DPYSL2: variants seen among roughly 807,000 people sequenced by gnomAD.
The protein encoded by DPYSL2 is dihydropyrimidinase-related protein 2.
Under a neutral mutation model 69.9 loss-of-function variants are expected in DPYSL2, and 13 were observed. That is an observed-to-expected ratio of 0.19 (90% CI 0.12 to 0.30). The LOEUF (loss-of-function observed/expected upper bound fraction) is 0.30, where lower values mean the gene tolerates loss of function less well. Among genes scored for constraint, DPYSL2 ranks in the 10% least tolerant of loss-of-function variants. DPYSL2 has a pLI of 1.00. For missense variants in DPYSL2, 587 were observed against 918.9 expected, an observed-to-expected ratio of 0.64 and a Z score of 4.67; for synonymous variants, 326 against 359.1, an observed-to-expected ratio of 0.91 and a Z score of 1.04.
Position 26,598,140 on chromosome 8 carries a change from G to T in DPYSL2, c.628+14157G>T, listed in dbSNP as rs1253601458. 1.3e-5 allele frequency among the ~76,000 whole-genome samples: 2 copies of T among 152,162 alleles called. No homozygotes were observed. The highest frequency in any genetic ancestry group is 2.9e-5 in the Non-Finnish European group (2 of 68,028). On this transcript the variant is annotated intron_variant, in intron 3 of 13. Coordinates refer to ENST00000521913, the MANE Select transcript of DPYSL2 (RefSeq NM_001197293.3). This position sits in a 1 kb window ranked among gnomAD's most constrained non-coding sequence, Gnocchi z 4.2. ...GGGCTTGGACAAATTACATGTATGG[G>T]GGAGTAGCCCCTTCACCCCAGTTTT...
rs1801081316 is a variant in DPYSL2, at chr8:26,562,119, T to C, written c.355-19850T>C. On this transcript the variant is annotated intron_variant, in intron 1 of 13. Coordinates refer to ENST00000521913, the MANE Select transcript of DPYSL2 (RefSeq NM_001197293.3). This position sits in a 1 kb window ranked among gnomAD's most constrained non-coding sequence, Gnocchi z 4.9. ...TCCACATCCAATCTATTAGTGACTTTTATTGGCAGCAGAAACAAGAGTGGA... is the reference window on the plus strand; with the variant it reads ...TCCACATCCAATCTATTAGTGACTTCTATTGGCAGCAGAAACAAGAGTGGA... Among the ~76,000 whole-genome samples the C allele has an allele frequency of 6.6e-6, 1 of 152,200 alleles. No individual in the cohort carries two copies. The highest frequency in any genetic ancestry group is 6.5e-5 in the Admixed American group (1 of 15,284).
At position 26,577,993 on chromosome 8, in the gene DPYSL2, TTCTCTCTC is replaced by T. The variant is rs756432252; in HGVS notation, c.355-3958_355-3951del. 6.3e-5 allele frequency: 76 copies of T among 1,204,194 alleles called. 1 individual carries two copies. The highest frequency in any genetic ancestry group is 1.7e-4 in the South Asian group (9 of 53,184). The allele number at this position is 1,204,194 out of a possible 1,614,324, so 74.6% of individuals were successfully genotyped here. On this transcript the variant is annotated intron_variant, in intron 1 of 13. Transcript: ENST00000521913. ...CCTTCCCTCCTGTTTCTCTCTCTCC[TTCTCTCTC>T]TCTCTCTCTCTCTCTCTTTTTTTTC...
At chr8:26,572,837 G>C (rs114829381) in intron 1 of DPYSL2, among the ~76,000 whole-genome samples, 2,840 of 152,236 alleles carry the variant, frequency 0.019, 88 homozygotes, top group African/African-American at 0.066. Flanking sequence ...TTTCTTCCCT[G>C]TGAGCTCAAA....
At chr8:26,537,721 C>G (rs190401184) in intron 1 of DPYSL2, among the ~76,000 whole-genome samples, 31 of 152,000 alleles carry the variant, frequency 2.0e-4, no homozygotes, top group African/African-American at 7.5e-4. Flanking sequence ...TCATAAAAGA[C>G]AAGATTACTT....
chr8:26,636,925 A>G (rs1802933706), intron 8 of DPYSL2, among the ~76,000 whole-genome samples: 2 of 152,018 alleles, frequency 1.3e-5, no homozygotes, highest in Admixed American at 1.3e-4. Context: ...TATTTTTAGT[A>G]GAGACGGGGT....
In DPYSL2 at chr8:26,621,071, A is replaced by G. The variant is rs1802470560; in HGVS notation, c.629-3072A>G. 6.6e-6 allele frequency among the ~76,000 whole-genome samples: 1 copy of G among 152,192 alleles called. No individual in the cohort carries two copies. The highest frequency in any genetic ancestry group is 2.1e-4 in the South Asian group (1 of 4,834). The stretch of plus-strand genomic sequence containing the variant: ...TATCTTGCATTACTCTTTCTGGTTT[A>G]TCACATTTTCTTGTATTTTATGTAT... On this transcript the variant is annotated intron_variant, in intron 3 of 13. Transcript: ENST00000521913. The surrounding 1 kb of genome is among the most constrained non-coding windows in gnomAD (Gnocchi z 4.9).
chr8:26,657,075 G>A lies in DPYSL2; in HGVS notation c.*1369G>A, dbSNP rs1168187799. On this transcript the variant is annotated 3_prime_UTR_variant, in exon 14 of 14. Transcript: ENST00000521913. ...CGGGGAAAAACCGTATTTTTTTCTT[G>A]TCCAATTATTTCTAAAGACACACTA... is the stretch of plus-strand genomic sequence containing the variant. The A allele has an allele frequency of 6.6e-6, 1 of 152,034 alleles. No individual in the cohort carries two copies. The highest frequency in any genetic ancestry group is 1.5e-5 in the Non-Finnish European group (1 of 68,006). The allele number at this position is 152,034 out of a possible 1,614,324, so 9.4% of individuals were successfully genotyped here.
At chr8:26,655,230 C>T (rs1017136607) in intron 13 of DPYSL2, among the ~76,000 whole-genome samples, 4 of 152,120 alleles carry the variant, frequency 2.6e-5, no homozygotes, top group African/African-American at 9.7e-5. Context: ...GGCAGGGTGG[C>T]TCACACCTCT....
chr8:26,651,126 CCT>C (rs2129993431), intron 11 of DPYSL2, among the ~76,000 whole-genome samples: 1 of 152,196 alleles, frequency 6.6e-6, no homozygotes, highest in East Asian at 1.9e-4. Context: ...CCTGCTGGCG[CCT>C]CTCTGCTATG....
In DPYSL2 at chr8:26,575,362, T is replaced by C. The variant is rs138302250; in HGVS notation, c.355-6607T>C. 1.5e-3 allele frequency among the ~76,000 whole-genome samples: 229 copies of C among 152,288 alleles called. 2 individuals carry two copies. The highest frequency in any genetic ancestry group is 5.1e-3 in the African/African-American group (212 of 41,580). ...TTACCTGTGGTTTTTTGTTTTTTTT[T>C]TCACCTTCATCAGTGCAAAGCAGGT... On this transcript the variant is annotated intron_variant, in intron 1 of 13. Coordinates refer to ENST00000521913, the MANE Select transcript of DPYSL2 (RefSeq NM_001197293.3).
Position 26,624,839 on chromosome 8 carries a change from G to A in DPYSL2, c.793+532G>A, listed in dbSNP as rs907527917. 2.0e-5 allele frequency among the ~76,000 whole-genome samples: 3 copies of A among 152,114 alleles called. No individual in the cohort carries two copies. The highest frequency in any genetic ancestry group is 2.0e-4 in the Admixed American group (3 of 15,268). ...TTGGAGAACAAATTTCCAGGGATTGGGAAGATTCACAGAGAGGCAGGAGGA... is the reference window on the plus strand; with the variant it reads ...TTGGAGAACAAATTTCCAGGGATTGAGAAGATTCACAGAGAGGCAGGAGGA... On this transcript the variant is annotated intron_variant, in intron 4 of 13. Coordinates refer to ENST00000521913, the MANE Select transcript of DPYSL2 (RefSeq NM_001197293.3). The surrounding 1 kb of genome is among the most constrained non-coding windows in gnomAD (Gnocchi z 4.7).
intron 1 of DPYSL2, among the ~76,000 whole-genome samples, chr8:26,575,571 T>C (rs1360918212): frequency 6.6e-6 from 1 of 152,230 alleles, no homozygotes; most frequent in Non-Finnish European, 1.5e-5. Flanking sequence ...ATACCTTACA[T>C]TTTTGGATAT....
intron 3 of DPYSL2, among the ~76,000 whole-genome samples, chr8:26,600,222 G>T (rs1436187307): frequency 1.3e-5 from 2 of 152,206 alleles, no homozygotes; most frequent in Non-Finnish European, 2.9e-5. Flanking sequence ...ATGTACATTT[G>T]TGGGCAAGCA....
chr8:26,594,739 A>T (rs1801819512), intron 3 of DPYSL2, among the ~76,000 whole-genome samples: 1 of 152,216 alleles, frequency 6.6e-6, no homozygotes. Flanking sequence ...CCAAAGATGC[A>T]GTTGCATGCC....
At chr8:26,600,241 G>A (rs1585536833) in intron 3 of DPYSL2, among the ~76,000 whole-genome samples, 2 of 152,282 alleles carry the variant, frequency 1.3e-5, no homozygotes, top group East Asian at 3.9e-4. Context: ...CATTTGCGTG[G>A]GCGTGTGTTT....
chr8:26,595,480 T>G (rs1401388142), intron 3 of DPYSL2, among the ~76,000 whole-genome samples: 1 of 152,132 alleles, frequency 6.6e-6, no homozygotes, highest in Non-Finnish European at 1.5e-5. Flanking sequence ...TGAGGCCAAC[T>G]TTATAAGTGG....
rs564721073 is a variant in DPYSL2, at chr8:26,652,075, A to G, written c.1597-182A>G. On this transcript the variant is annotated intron_variant, in intron 11 of 13. Coordinates refer to ENST00000521913, the MANE Select transcript of DPYSL2 (RefSeq NM_001197293.3). The surrounding 1 kb of genome is among the most constrained non-coding windows in gnomAD (Gnocchi z 6.3). ...GTGGAGAGGTAGAAAAAGTTATTTC[A>G]TATTCTAGACAGGGAAATGGAGACA... Among the ~76,000 whole-genome samples the G allele has an allele frequency of 9.2e-5, 14 of 152,268 alleles. 1 individual carries two copies. The highest frequency in any genetic ancestry group is 8.3e-4 in the South Asian group (4 of 4,822).
At chr8:26,607,867 C>CA (rs1802140683) in intron 3 of DPYSL2, among the ~76,000 whole-genome samples, 1 of 151,892 alleles carries the variant, frequency 6.6e-6, no homozygotes, top group Admixed American at 6.6e-5. Flanking sequence ...ATCACAAGGT[C>CA]AGGAGATCGA....
intron 1 of DPYSL2, among the ~76,000 whole-genome samples, chr8:26,554,287 T>C (rs1240883634): frequency 6.6e-6 from 1 of 152,180 alleles, no homozygotes; most frequent in Non-Finnish European, 1.5e-5. Context: ...ATACTGAGCT[T>C]TTTTTCACAT....
Sources: gnomAD v4.1 joint callset for allele counts (sites outside exome capture counted in the v4.1 genomes callset) on GRCh38, gnomAD v4.1.1 for gene constraint, Gnocchi (gnomAD v3.1) non-coding constraint, MANE v1.5 for transcripts, NCBI Gene and HGNC (gene_info 2026-07-23, HGNC 2026-07-21) for gene names.